SUSD4: variants seen among roughly 807,000 people sequenced by gnomAD.
SUSD4 encodes sushi domain-containing protein 4.
A neutral mutation model predicts 50.5 loss-of-function variants in SUSD4; 41 were observed. The ratio of observed to expected loss-of-function variants is 0.81; its 90% CI spans 0.63 to 1.05. The LOEUF (loss-of-function observed/expected upper bound fraction) is 1.05, where lower values mean the gene tolerates loss of function less well. Among genes scored for constraint, SUSD4 ranks in the 50% least tolerant of loss-of-function variants. The probability of loss-of-function intolerance (pLI) is 0.00; values close to 1 mark genes in which losing one functional copy is unlikely to be tolerated. For missense variants in SUSD4, 580 were observed against 634.7 expected, an observed-to-expected ratio of 0.91 and a Z score of 0.93; for synonymous variants, 257 against 257.3, an observed-to-expected ratio of 1.00 and a Z score of 0.01.
chr1:223,223,191 A>AATC (rs1181551017), intron 8 of SUSD4, 58 bp downstream of exon 8: 5 of 1,497,510 alleles, frequency 3.3e-6, no homozygotes, highest in Non-Finnish European at 4.4e-6. Flanking sequence ...AGCTGGCTTG[A>AATC]AGATGCTGGT....
intron 2 of SUSD4, among the ~76,000 whole-genome samples, chr1:223,356,710 A>G (rs1293323870): frequency 6.6e-6 from 1 of 152,228 alleles, no homozygotes; most frequent in Non-Finnish European, 1.5e-5. Flanking sequence ...GACCAATAGA[A>G]GAGATTGCTC....
intron 2 of SUSD4, among the ~76,000 whole-genome samples, chr1:223,334,381 G>T (rs758689336): frequency 4.6e-5 from 7 of 152,074 alleles, no homozygotes; most frequent in Non-Finnish European, 1.0e-4. Flanking sequence ...AGGAGTGCCA[G>T]CATCCTACTT....
intron 4 of SUSD4, among the ~76,000 whole-genome samples, chr1:223,265,938 A>G (rs1315640384): frequency 6.6e-6 from 1 of 152,248 alleles, no homozygotes; most frequent in African/African-American, 2.4e-5. Context: ...ACAGCAGCAG[A>G]TGACTGAACC....
At chr1:223,312,563 G>T (rs1206998273) in intron 2 of SUSD4, among the ~76,000 whole-genome samples, 1 of 152,154 alleles carries the variant, frequency 6.6e-6, no homozygotes, top group African/African-American at 2.4e-5. Flanking sequence ...GAATTACCCT[G>T]TCCATCTCTC....
chr1:223,283,601 G>T (rs1663916279), intron 3 of SUSD4, among the ~76,000 whole-genome samples: 2 of 152,204 alleles, frequency 1.3e-5, no homozygotes, highest in Non-Finnish European at 2.9e-5. Context: ...GAGAGGATGT[G>T]GAGAAATAGG....
At chr1:223,304,097 T>C (rs904517832) in intron 2 of SUSD4, among the ~76,000 whole-genome samples, 8 of 152,200 alleles carry the variant, frequency 5.3e-5, no homozygotes, top group African/African-American at 1.9e-4. Context: ...AGGGCGTTTA[T>C]AGGCCTGTCT....
intron 5 of SUSD4, among the ~76,000 whole-genome samples, chr1:223,247,503 A>T (rs1386162589): frequency 2.0e-5 from 3 of 152,182 alleles, no homozygotes; most frequent in Admixed American, 6.5e-5. Flanking sequence ...TTGAGCCATC[A>T]TCCCTTTTTG....
chr1:223,223,430 G>T lies in SUSD4; in HGVS notation c.1263C>A (p.Asp421Glu). 1 of 1,614,010 alleles carries T rather than the reference G, an allele frequency of 6.2e-7. No individual in the cohort carries two copies. Among genetic ancestry groups the T allele is most frequent in the Non-Finnish European group, 8.5e-7 (1 of 1,179,962 alleles). Reference sequence around the variant, plus strand: ...AGGTTTCTGACTCCCCTGGGCCTGTGTCCGTGTCCCCTGAGCCGGGGTATG... The same window carrying T: ...AGGTTTCTGACTCCCCTGGGCCTGTTTCCGTGTCCCCTGAGCCGGGGTATG... Reference protein sequence around the residue: ...PPAYPGSGDTDTGPGESETCD... With the variant: ...PPAYPGSGDTETGPGESETCD... Residue 421 changes from aspartate (D) to glutamate (E), a missense_variant, in exon 8 of 9, where the codon GAC (aspartate) becomes GAA (glutamate). Physicochemically the swap from Asp to Glu is conservative, Grantham distance 45. Transcript: ENST00000366878.
chr1:223,294,935 T>C (rs1199427506), intron 2 of SUSD4, among the ~76,000 whole-genome samples: 1 of 152,212 alleles, frequency 6.6e-6, no homozygotes, highest in Non-Finnish European at 1.5e-5. Flanking sequence ...ACCATTTCCT[T>C]TCATCTGGAA....
At chr1:223,326,821 C>T (rs1372611438) in intron 2 of SUSD4, among the ~76,000 whole-genome samples, 1 of 152,086 alleles carries the variant, frequency 6.6e-6, no homozygotes, top group Non-Finnish European at 1.5e-5. Context: ...GCAAGAATGG[C>T]CATTACTAAA....
chr1:223,262,376 T>A (rs180907854), intron 5 of SUSD4, among the ~76,000 whole-genome samples: 1 of 152,158 alleles, frequency 6.6e-6, no homozygotes, highest in Non-Finnish European at 1.5e-5. Context: ...ATTGTGCAAA[T>A]CGTGTGCTTA....
chr1:223,292,387 C>T (rs370748922), intron 3 of SUSD4, 52 bp downstream of exon 3: 1 of 1,598,516 alleles, frequency 6.3e-7, no homozygotes, highest in Non-Finnish European at 8.6e-7. Flanking sequence ...ACCCCTGTGG[C>T]CATGCAACTT....
At chr1:223,322,869 T>C (rs1401918048) in intron 2 of SUSD4, among the ~76,000 whole-genome samples, 1 of 152,226 alleles carries the variant, frequency 6.6e-6, no homozygotes, top group East Asian at 1.9e-4. Flanking sequence ...TAAACTGATA[T>C]GTTTTTCATT....
At position 223,268,013 on chromosome 1, in the gene SUSD4, T is replaced by TTATATATATA. The variant is rs59885860; in HGVS notation, c.535+479_535+488dup. On this transcript the variant is annotated intron_variant, in intron 4 of 8. Coordinates refer to ENST00000366878, the MANE Select transcript of SUSD4 (RefSeq NM_017982.4). The stretch of plus-strand genomic sequence containing the variant: ...AATTTTTCTGCTCTTCATGCATTTT[T>TTATATATATA]TATATATATATATATATATATATAT... 3.6e-4 allele frequency among the ~76,000 whole-genome samples: 19 copies of TTATATATATA among 53,350 alleles called. 1 individual carries two copies. In the South Asian group the frequency reaches 5.4e-3, roughly 15 times the overall value. 35.0% of individuals were successfully genotyped at this position (53,350 alleles called of 152,430 possible). A position where few individuals can be genotyped will look rare whatever the true frequency, so the allele number is the denominator to read the frequency against.
At chr1:223,326,087 C>G (rs1235351803) in intron 2 of SUSD4, among the ~76,000 whole-genome samples, 1 of 152,162 alleles carries the variant, frequency 6.6e-6, no homozygotes, top group Non-Finnish European at 1.5e-5. Flanking sequence ...ATAACATTAC[C>G]AGACCTCAAA....
chr1:223,340,765 TGCAAACA>T (rs1404008971), intron 2 of SUSD4, among the ~76,000 whole-genome samples: 1 of 152,124 alleles, frequency 6.6e-6, no homozygotes, highest in Non-Finnish European at 1.5e-5. Context: ...ACAGAACACA[TGCAAACA>T]GGCCCTCACT....
intron 2 of SUSD4, among the ~76,000 whole-genome samples, chr1:223,356,375 G>T (rs1668666754): frequency 1.3e-5 from 2 of 151,426 alleles, no homozygotes; most frequent in African/African-American, 2.4e-5. Context: ...CTTTTAGGGG[G>T]AACTTCTACA....
chr1:223,245,348 T>G (rs1196758942), intron 5 of SUSD4, among the ~76,000 whole-genome samples: 2 of 151,514 alleles, frequency 1.3e-5, no homozygotes, highest in African/African-American at 4.9e-5. Flanking sequence ...GAGGCCCTAA[T>G]CCGATCATAA....
Position 223,289,396 on chromosome 1 carries a change from T to C in SUSD4, c.361+3043A>G, listed in dbSNP as rs576185098. 46 of 724,256 alleles carry C rather than the reference T, an allele frequency of 6.4e-5. No homozygotes were observed. In the African/African-American group the frequency reaches 8.1e-4, roughly 13 times the overall value. The allele number at this position is 724,256 out of a possible 1,614,324, so 44.9% of individuals were successfully genotyped here. A position where few individuals can be genotyped will look rare whatever the true frequency, so the allele number is the denominator to read the frequency against. ...GTTCACTTGGAAGAAGCAAGTTGAA[T>C]TGGAATAAGGGGGCCATGTGAAAAG... On this transcript the variant is annotated intron_variant, in intron 3 of 8. Coordinates refer to ENST00000366878, the MANE Select transcript of SUSD4 (RefSeq NM_017982.4).
Sources: allele counts gnomAD v4.1 joint callset (sites outside exome capture counted in the v4.1 genomes callset), GRCh38; gene constraint gnomAD v4.1.1; transcripts MANE v1.5; gene names NCBI Gene and HGNC (gene_info 2026-07-23, HGNC 2026-07-21).